Variants in SCRG1 observed in about 807,000 individuals in gnomAD.
The protein encoded by SCRG1 is scrapie-responsive protein 1.
A neutral mutation model predicts 7.7 loss-of-function variants in SCRG1; 3 were observed. The ratio of observed to expected loss-of-function variants is 0.39; its 90% CI spans 0.18 to 1.01. SCRG1 has a LOEUF of 1.01. SCRG1 is among the 50% of genes least tolerant of loss of function. The pLI is 0.36. For missense variants in SCRG1, 110 were observed against 117.2 expected, an observed-to-expected ratio of 0.94 and a Z score of 0.28; for synonymous variants, 46 against 41.2, an observed-to-expected ratio of 1.12 and a Z score of -0.44.
the SCRG1 span, among the ~76,000 whole-genome samples, chr4:173,476,066 AT>A: frequency 6.6e-6 from 1 of 152,072 alleles, no homozygotes; most frequent in Non-Finnish European, 1.5e-5. Flanking sequence ...ACATTTTAAA[AT>A]GGTTAAAATG....
the SCRG1 span, among the ~76,000 whole-genome samples, chr4:173,491,849 G>T: frequency 1.3e-5 from 2 of 152,198 alleles, no homozygotes; most frequent in South Asian, 4.1e-4. Flanking sequence ...CTAGAACAAG[G>T]CTGGGTGCGG....
At chr4:173,405,803 G>T (rs1024327154) in intron 1 of SCRG1, among the ~76,000 whole-genome samples, 1 of 151,984 alleles carries the variant, frequency 6.6e-6, no homozygotes, top group African/African-American at 2.4e-5. Context: ...TTCCTTTCTG[G>T]CACTAAAAGA....
the SCRG1 span, among the ~76,000 whole-genome samples, chr4:173,481,252 A>C: frequency 6.6e-6 from 1 of 152,144 alleles, no homozygotes; most frequent in African/African-American, 2.4e-5. Context: ...TTATGTTTAA[A>C]TCCATATAAA....
At chr4:173,411,577 TAATA>T in the SCRG1 span, among the ~76,000 whole-genome samples, 4 of 152,130 alleles carry the variant, frequency 2.6e-5, no homozygotes, top group African/African-American at 9.7e-5. Flanking sequence ...TGGCATATTT[TAATA>T]AATAAATGTA....
upstream of SCRG1, among the ~76,000 whole-genome samples, chr4:173,402,008 G>A (rs1281364270): frequency 6.6e-6 from 1 of 152,130 alleles, no homozygotes; most frequent in Non-Finnish European, 1.5e-5. Flanking sequence ...TTGTTTTCCT[G>A]TAAATGGAGC....
At chr4:173,483,341 AC>A in the SCRG1 span, among the ~76,000 whole-genome samples, 1 of 29,792 alleles carries the variant, frequency 3.4e-5, no homozygotes, top group African/African-American at 1.3e-4. Context: ...ATTATATATT[AC>A]ATATGATATA....
the SCRG1 span, among the ~76,000 whole-genome samples, chr4:173,497,962 G>A: frequency 2.6e-5 from 4 of 152,280 alleles, no homozygotes; most frequent in East Asian, 7.7e-4. Flanking sequence ...TTACAGGCGT[G>A]AACCACTGCA....
At chr4:173,407,604 A>T (rs923560285), upstream of SCRG1, among the ~76,000 whole-genome samples, 2 of 152,200 alleles carry the variant, frequency 1.3e-5, no homozygotes, top group Non-Finnish European at 2.9e-5. Flanking sequence ...ATAGTTTTCA[A>T]TATCTTTTTA....
chr4:173,450,335 G>T, the SCRG1 span, among the ~76,000 whole-genome samples: 3 of 152,108 alleles, frequency 2.0e-5, no homozygotes, highest in Non-Finnish European at 4.4e-5. Context: ...GGGACACAGA[G>T]CCAAATCATA....
the SCRG1 span, among the ~76,000 whole-genome samples, chr4:173,439,431 C>CT: frequency 6.6e-6 from 1 of 151,710 alleles, no homozygotes; most frequent in Admixed American, 6.6e-5. Context: ...GAGGAGATCA[C>CT]TTGGGCCTGA....
the SCRG1 span, among the ~76,000 whole-genome samples, chr4:173,439,401 C>T: frequency 6.6e-6 from 1 of 151,856 alleles, no homozygotes; most frequent in African/African-American, 2.4e-5. Context: ...TGGAGGACAC[C>T]TGTGGTCCCA....
At chr4:173,448,029 G>C in the SCRG1 span, among the ~76,000 whole-genome samples, 1 of 152,114 alleles carries the variant, frequency 6.6e-6, no homozygotes, top group African/African-American at 2.4e-5. Context: ...ACTTGAACCA[G>C]GGAGGCAGAG....
chr4:173,449,784 T>G, the SCRG1 span, among the ~76,000 whole-genome samples: 1 of 152,242 alleles, frequency 6.6e-6, no homozygotes, highest in Non-Finnish European at 1.5e-5. Flanking sequence ...TTGACATTTT[T>G]GAGTGTTCTC....
the SCRG1 span, among the ~76,000 whole-genome samples, chr4:173,443,275 C>G: frequency 6.6e-6 from 1 of 151,786 alleles, no homozygotes; most frequent in African/African-American, 2.4e-5. Flanking sequence ...CTTGTATCAA[C>G]AAAGCTGGAC....
chr4:173,391,993 A>G (rs1373235285), intron 1 of SCRG1, among the ~76,000 whole-genome samples: 1 of 152,198 alleles, frequency 6.6e-6, no homozygotes, highest in Middle Eastern at 3.2e-3. Flanking sequence ...AAGTACCCAA[A>G]GCTATATATC....
chr4:173,389,029 T>G (rs895449240), intron 2 of SCRG1, among the ~76,000 whole-genome samples: 4 of 152,180 alleles, frequency 2.6e-5, no homozygotes, highest in Non-Finnish European at 5.9e-5. Flanking sequence ...ATAATATAAA[T>G]GTAAGTCCAT....
At chr4:173,509,681 G>A in the SCRG1 span, among the ~76,000 whole-genome samples, 1 of 152,032 alleles carries the variant, frequency 6.6e-6, no homozygotes, top group Non-Finnish European at 1.5e-5. The surrounding 1 kb of genome is among the most constrained non-coding windows in gnomAD (Gnocchi z 5.7). Flanking sequence ...AGCCGGGAGC[G>A]CGGACTCGGG....
chr4:173,501,615 C>T, the SCRG1 span, among the ~76,000 whole-genome samples: 26 of 152,214 alleles, frequency 1.7e-4, no homozygotes, highest in South Asian at 2.1e-3. This position sits in a 1 kb window ranked among gnomAD's most constrained non-coding sequence, Gnocchi z 5.1. Context: ...GCCGGGCTCT[C>T]CCTGACCCTA....
At chr4:173,493,680 T>C in the SCRG1 span, among the ~76,000 whole-genome samples, 1 of 151,864 alleles carries the variant, frequency 6.6e-6, no homozygotes, top group East Asian at 1.9e-4. Context: ...TGCCGAGTGC[T>C]CTATGTGTTT....
Sources: allele counts gnomAD v4.1 joint callset (sites outside exome capture counted in the v4.1 genomes callset), GRCh38; gene constraint gnomAD v4.1.1; non-coding constraint Gnocchi (gnomAD v3.1); transcripts MANE v1.5; gene names NCBI Gene and HGNC (gene_info 2026-07-23, HGNC 2026-07-21).